The following PDE7B variants were observed in gnomAD, a reference collection of about 807,000 sequenced individuals.
PDE7B encodes the protein phosphodiesterase 7B.
Under a neutral mutation model 56.2 loss-of-function variants are expected in PDE7B, and 29 were observed. The ratio of observed to expected loss-of-function variants is 0.52; its 90% confidence interval spans 0.38 to 0.70. The LOEUF (loss-of-function observed/expected upper bound fraction) is 0.70. Ranked by LOEUF, PDE7B falls within the 30% of genes least tolerant of loss-of-function variation. The pLI is 0.00. For synonymous variants in PDE7B, 197 were observed against 196.9 expected (o/e 1.00, Z 0.00); for missense variants, 490 against 565.0 (o/e 0.87, Z 1.35).
At chr6:136,172,351 C>T (rs1340476664) in intron 8 of PDE7B, among the ~76,000 whole-genome samples, 1 of 152,208 alleles carries the variant, frequency 6.6e-6, no homozygotes, top group Non-Finnish European at 1.5e-5. Flanking sequence ...GAGATGGTAT[C>T]TCACTGTGGT....
chr6:135,869,931 C>T (rs1297004787), intron 1 of PDE7B, among the ~76,000 whole-genome samples: 1 of 152,062 alleles, frequency 6.6e-6, no homozygotes, highest in Admixed American at 6.5e-5. Flanking sequence ...GAAGGTGAGG[C>T]ACAGGGCATG....
At chr6:135,924,424 C>A (rs534924612) in intron 1 of PDE7B, among the ~76,000 whole-genome samples, 35 of 152,246 alleles carry the variant, frequency 2.3e-4, no homozygotes, top group Middle Eastern at 3.4e-3. Flanking sequence ...AATGCCATAA[C>A]CTGCCCTGTG....
chr6:136,139,985 T>C (rs181575503), intron 3 of PDE7B, among the ~76,000 whole-genome samples: 4 of 152,358 alleles, frequency 2.6e-5, no homozygotes, highest in African/African-American at 7.2e-5. Context: ...TTAGATCCCA[T>C]TGGTCAATTT....
intron 1 of PDE7B, among the ~76,000 whole-genome samples, chr6:135,921,866 A>C (rs772981567): frequency 5.9e-5 from 9 of 152,020 alleles, no homozygotes; most frequent in Non-Finnish European, 1.2e-4. Context: ...TACCCCTTAT[A>C]CTTTCATCCC....
At chr6:135,941,158 G>A (rs565291945) in intron 1 of PDE7B, among the ~76,000 whole-genome samples, 29 of 152,300 alleles carry the variant, frequency 1.9e-4, no homozygotes, top group African/African-American at 5.1e-4. Flanking sequence ...CTCTTGGGAC[G>A]GACAAGATGT....
At chr6:135,892,374 A>G (rs1470163436) in intron 1 of PDE7B, among the ~76,000 whole-genome samples, 3 of 152,196 alleles carry the variant, frequency 2.0e-5, no homozygotes, top group Non-Finnish European at 2.9e-5. Flanking sequence ...CATTATTAAT[A>G]AATCTTGACT....
chr6:136,062,219 T>C (rs529109676), intron 2 of PDE7B, among the ~76,000 whole-genome samples: 1 of 152,238 alleles, frequency 6.6e-6, no homozygotes, highest in African/African-American at 2.4e-5. Flanking sequence ...CCACCTTTAT[T>C]GAGATATAAT....
intron 2 of PDE7B, among the ~76,000 whole-genome samples, chr6:136,027,983 T>C (rs1776182128): frequency 6.6e-6 from 1 of 152,212 alleles, no homozygotes; most frequent in Non-Finnish European, 1.5e-5. Flanking sequence ...ATTACAGCAC[T>C]GTAGTTCACC....
rs143832653 is a variant in PDE7B at position 135,913,842 on chromosome 6, C to T, written c.22-33622C>T. Among the ~76,000 whole-genome samples the T allele has an allele frequency of 2.2e-3, 340 of 152,258 alleles. 1 individual carries two copies. The highest frequency in any genetic ancestry group is 0.014 in the Middle Eastern group (4 of 294). ...CCAGAACAGATATAAAATGTTACTT[C>T]ATGTTATCATTCCCAGTATGAGAAT... is the stretch of plus-strand genomic sequence containing the variant. On this transcript the variant is annotated intron_variant, in intron 1 of 12. Coordinates refer to ENST00000308191, the MANE Select transcript of PDE7B (RefSeq NM_018945.4).
In PDE7B at chr6:136,125,130, G is replaced by A. The variant is rs140090649; in HGVS notation, c.166+16316G>A. 3.8e-3 allele frequency among the ~76,000 whole-genome samples: 573 copies of A among 152,184 alleles called. 2 individuals carry two copies. Among genetic ancestry groups the A allele is most frequent in the Admixed American group, 6.3e-3 (96 of 15,292 alleles). On this transcript the variant is annotated intron_variant, in intron 3 of 12. Transcript: ENST00000308191. ...CCTTTATAGCACCATTTCCCAAAGC[G>A]TGGTATGGGAACACAGGCGATATTT... is the stretch of plus-strand genomic sequence containing the variant.
In PDE7B at chr6:135,992,147, AAAG is replaced by A. The variant is rs1170437044; in HGVS notation, c.82+44632_82+44634del. Reference sequence around the variant, plus strand: ...CTTTTGGCTTCCCTGGGCCGCTCTGAAAGAAGAAGAATTGTCTTGGGCCACACA... The same window carrying A: ...CTTTTGGCTTCCCTGGGCCGCTCTGAAAGAAGAATTGTCTTGGGCCACACA... On this transcript the variant is annotated intron_variant, in intron 2 of 12. Transcript: ENST00000308191. 5.3e-5 allele frequency among the ~76,000 whole-genome samples: 8 copies of A among 152,192 alleles called. 1 individual carries two copies. Among genetic ancestry groups the A allele is most frequent in the African/African-American group, 1.4e-4 (6 of 41,518 alleles).
chr6:135,942,823 G>T (rs1030500020), intron 1 of PDE7B, among the ~76,000 whole-genome samples: 1 of 151,966 alleles, frequency 6.6e-6, no homozygotes, highest in South Asian at 2.1e-4. Flanking sequence ...CAAAAGACAG[G>T]ATTTCCTTCT....
At position 135,935,190 on chromosome 6, in the gene PDE7B, T is replaced by TTTTATATATATATATATTTTTATATA. The variant is rs1436649469; in HGVS notation, c.22-12273_22-12272insTTATATATATATATATTTTTATATAT. ...GAGAATTTTATATATATATATTTATTTATATATATATATATATATATATAT... is the reference window on the plus strand; with the variant it reads ...GAGAATTTTATATATATATATTTATTTTTATATATATATATATTTTTATATATATATATATATATATATATATATAT... On this transcript the variant is annotated intron_variant, in intron 1 of 12. Coordinates refer to ENST00000308191, the MANE Select transcript of PDE7B (RefSeq NM_018945.4). Among the ~76,000 whole-genome samples, 8 of 36,186 alleles carry TTTTATATATATATATATTTTTATATA rather than the reference T, an allele frequency of 2.2e-4. 1 individual carries two copies. The South Asian group carries it at 3.0e-3, about 14-fold the overall frequency. The allele number at this position is 36,186 out of a possible 152,430, so 23.7% of individuals were successfully genotyped here. A position where few individuals can be genotyped will look rare whatever the true frequency, so the allele number is the denominator to read the frequency against.
At chr6:135,909,995 T>C (rs1447661902) in intron 1 of PDE7B, among the ~76,000 whole-genome samples, 1 of 152,234 alleles carries the variant, frequency 6.6e-6, no homozygotes, top group Non-Finnish European at 1.5e-5. Flanking sequence ...TGCAAGAGAC[T>C]GTTCCTGTTG....
intron 3 of PDE7B, among the ~76,000 whole-genome samples, chr6:136,140,849 C>T (rs1489382679): frequency 6.6e-6 from 1 of 152,170 alleles, no homozygotes; most frequent in Non-Finnish European, 1.5e-5. Context: ...TGCCTATCAG[C>T]TTAAGGAGAC....
At chr6:135,928,465 T>TTATATATATA (rs1294944166) in intron 1 of PDE7B, among the ~76,000 whole-genome samples, 3 of 75,558 alleles carry the variant, frequency 4.0e-5, no homozygotes, top group African/African-American at 5.4e-5. Flanking sequence ...ATATATATAT[T>TTATATATATA]TATTTATATA....
At chr6:136,172,257 G>T (rs1265412280) in intron 8 of PDE7B, among the ~76,000 whole-genome samples, 2 of 152,168 alleles carry the variant, frequency 1.3e-5, no homozygotes, top group East Asian at 1.9e-4. Flanking sequence ...CCCACCAACA[G>T]TGTAAAAGTG....
At chr6:136,020,617 C>A (rs1776055744) in intron 2 of PDE7B, among the ~76,000 whole-genome samples, 1 of 151,840 alleles carries the variant, frequency 6.6e-6, no homozygotes, top group Non-Finnish European at 1.5e-5. Flanking sequence ...ATTGCACTGG[C>A]CAAGATCAAA....
chr6:135,852,614 A>G (rs1184238621), intron 1 of PDE7B, among the ~76,000 whole-genome samples: 3 of 152,136 alleles, frequency 2.0e-5, no homozygotes, highest in Admixed American at 6.5e-5. Context: ...ACCTTGTTGC[A>G]TTTTTCAAAA....
Sources: gnomAD v4.1 joint callset for allele counts (sites outside exome capture counted in the v4.1 genomes callset) on GRCh38, gnomAD v4.1.1 for gene constraint, MANE v1.5 for transcripts, NCBI Gene and HGNC (gene_info 2026-07-23, HGNC 2026-07-21) for gene names.